The following RFX2 variants were observed in gnomAD, a reference collection of about 807,000 sequenced individuals.
RFX2 encodes DNA-binding protein RFX2.
In RFX2, 20 loss-of-function variants were observed where a neutral mutation model predicts 87.8. The ratio of observed to expected loss-of-function variants is 0.23; its 90% CI spans 0.16 to 0.33. The LOEUF (loss-of-function observed/expected upper bound fraction) is 0.33, where lower values mean the gene tolerates loss of function less well. Ranked by LOEUF, RFX2 falls within the 10% of genes least tolerant of loss-of-function variation. The probability of loss-of-function intolerance (pLI) is 1.00; values close to 1 mark genes in which losing one functional copy is unlikely to be tolerated. For synonymous variants in RFX2, 397 were observed against 431.3 expected, an observed-to-expected ratio of 0.92 and a Z score of 0.98; for missense variants, 767 against 1,012.3, an observed-to-expected ratio of 0.76 and a Z score of 3.29.
chr19:6,103,372 A>G (rs779435579), intron 1 of RFX2, among the ~76,000 whole-genome samples: 14 of 152,220 alleles, frequency 9.2e-5, no homozygotes, highest in South Asian at 2.1e-4. Context: ...AGACCTATGT[A>G]TCATAAAACA....
At chr19:6,077,484 G>C (rs1487277025) in intron 1 of RFX2, among the ~76,000 whole-genome samples, 1 of 152,190 alleles carries the variant, frequency 6.6e-6, no homozygotes, top group African/African-American at 2.4e-5. Flanking sequence ...CAAGACTTAC[G>C]AGATGTTCAA....
rs563745425 is a variant in RFX2, at chr19:6,075,922, A to G, written c.-8-28418T>C. Reference sequence around the variant, plus strand: ...AGGTCCCTTCTCAAGTTCAAAGGTCATGAACAGTTGGAGGATCTGGCATAG... The same window carrying G: ...AGGTCCCTTCTCAAGTTCAAAGGTCGTGAACAGTTGGAGGATCTGGCATAG... On this transcript the variant is annotated intron_variant, in intron 1 of 17. Transcript: ENST00000303657. 2.0e-5 allele frequency among the ~76,000 whole-genome samples: 3 copies of G among 152,372 alleles called. No individual in the cohort carries two copies. In the South Asian group the frequency reaches 6.2e-4, roughly 32 times the overall value.
At chr19:6,082,675 C>T (rs1042494165) in intron 1 of RFX2, among the ~76,000 whole-genome samples, 11 of 152,244 alleles carry the variant, frequency 7.2e-5, no homozygotes, top group African/African-American at 2.2e-4. Context: ...TCATGGGATC[C>T]GCCCACTTTG....
In RFX2 at chr19:6,016,324, A is replaced by T; in HGVS notation, c.598-53T>A. The T allele has an allele frequency of 7.3e-7, 1 of 1,365,678 alleles. No individual in the cohort carries two copies. Among genetic ancestry groups the T allele is most frequent in the Non-Finnish European group, 1.0e-6 (1 of 982,130 alleles). 84.6% of individuals were successfully genotyped at this position (1,365,678 alleles called of 1,614,324 possible). The stretch of plus-strand genomic sequence containing the variant: ...TGTCAGAAGCCTGAGGAACGCTAAC[A>T]TGCCAACGTGGACTCATTAAGAGAA... On this transcript the variant is annotated intron_variant, in intron 6 of 17. Transcript: ENST00000303657. This position sits in a 1 kb window ranked among gnomAD's most constrained non-coding sequence, Gnocchi z 5.4.
chr19:6,086,832 A>G (rs1376032552), intron 1 of RFX2, among the ~76,000 whole-genome samples: 3 of 152,176 alleles, frequency 2.0e-5, no homozygotes, highest in African/African-American at 7.2e-5. Context: ...CAAACATCAC[A>G]TGGGCACCTC....
At chr19:6,031,423 C>CTTTTTTTTTTTTTTTTTTTTTTT (rs58834364) in intron 5 of RFX2, among the ~76,000 whole-genome samples, 1 of 90,186 alleles carries the variant, frequency 1.1e-5, no homozygotes. Flanking sequence ...TTCTCCTTCC[C>CTTTTTTTTTTTTTTTTTTTTTTT]TTTTTTTTTT....
Position 5,994,507 on chromosome 19 carries a change from C to A in RFX2, c.*328G>T. 1 of 313,680 alleles carries A rather than the reference C, an allele frequency of 3.2e-6. No homozygotes were observed. The highest frequency in any genetic ancestry group is 6.4e-5 in the South Asian group (1 of 15,592). The allele number at this position is 313,680 out of a possible 1,614,324, so 19.4% of individuals were successfully genotyped here. A position where few individuals can be genotyped will look rare whatever the true frequency, so the allele number is the denominator to read the frequency against. ...TGCTCTCAGCACAGCCCTTTCAGCT[C>A]TTAAAGGGACTGGGGCCAAAGTCCA... On this transcript the variant is annotated 3_prime_UTR_variant, in exon 18 of 18. Transcript: ENST00000303657.
At chr19:5,995,772 G>A in intron 16 of RFX2, 129 bp from the exon 17 acceptor site, 1 of 821,060 alleles carries the variant, frequency 1.2e-6, no homozygotes, top group Non-Finnish European at 2.0e-6. Context: ...GCTGGGGCCT[G>A]CCCTGAAATG....
rs2086644220 is a variant in RFX2, at chr19:6,010,305, G to A, written c.900-54C>T. 3 of 1,251,294 alleles carry A rather than the reference G, an allele frequency of 2.4e-6. No homozygotes were observed. Among genetic ancestry groups the A allele is most frequent in the African/African-American group, 1.5e-5 (1 of 67,404 alleles). 77.5% of individuals were successfully genotyped at this position (1,251,294 alleles called of 1,614,324 possible). A position where few individuals can be genotyped will look rare whatever the true frequency, so the allele number is the denominator to read the frequency against. On this transcript the variant is annotated intron_variant, in intron 8 of 17. Transcript: ENST00000303657. The surrounding 1 kb of genome is among the most constrained non-coding windows in gnomAD (Gnocchi z 5.0). ...AGGCCCAGCAGCCCTGCTGCGGGTG[G>A]GCCCAAAGACTGGGGGGCTGGGCAG...
At chr19:6,106,634 A>G (rs963534277) in intron 1 of RFX2, among the ~76,000 whole-genome samples, 1 of 152,062 alleles carries the variant, frequency 6.6e-6, no homozygotes, top group Non-Finnish European at 1.5e-5. Context: ...AGGCCCACAG[A>G]CTCGCATTCT....
intron 1 of RFX2, among the ~76,000 whole-genome samples, chr19:6,055,830 A>G (rs1372450391): frequency 6.6e-6 from 1 of 152,250 alleles, no homozygotes; most frequent in Non-Finnish European, 1.5e-5. Flanking sequence ...AAAGAAGAGC[A>G]TAGCTAAAAA....
At chr19:6,055,632 C>A (rs191097424) in intron 1 of RFX2, among the ~76,000 whole-genome samples, 15 of 152,262 alleles carry the variant, frequency 9.9e-5, no homozygotes, top group Non-Finnish European at 1.9e-4. Context: ...CCATGTTGCC[C>A]AGGCTGGTCT....
chr19:6,074,536 C>A lies in RFX2; in HGVS notation c.-8-27032G>T, dbSNP rs771641807. Among the ~76,000 whole-genome samples the A allele has an allele frequency of 6.6e-6, 1 of 152,188 alleles. No individual in the cohort carries two copies. Among genetic ancestry groups the A allele is most frequent in the Admixed American group, 6.5e-5 (1 of 15,286 alleles). On this transcript the variant is annotated intron_variant, in intron 1 of 17. Transcript: ENST00000303657. The surrounding 1 kb of genome is among the most constrained non-coding windows in gnomAD (Gnocchi z 5.2). ...CACAGTCTGAGCATCTGCCATGTGC[C>A]GGCTTCAAGTGCTGAGGACACAGCA...
At position 6,083,030 on chromosome 19, in the gene RFX2, C is replaced by T. The variant is rs530595732; in HGVS notation, c.-9+27363G>A. On this transcript the variant is annotated intron_variant, in intron 1 of 17. Transcript: ENST00000303657. The surrounding 1 kb of genome is among the most constrained non-coding windows in gnomAD (Gnocchi z 4.6). ...CACGGCTCGCTGCAGCCTCAACCTCCCTGGGCTCAGGGAGTACGGGCACGT... is the reference window on the plus strand; with the variant it reads ...CACGGCTCGCTGCAGCCTCAACCTCTCTGGGCTCAGGGAGTACGGGCACGT... Among the ~76,000 whole-genome samples the T allele has an allele frequency of 6.6e-6, 1 of 152,250 alleles. No individual in the cohort carries two copies. Among genetic ancestry groups the T allele is most frequent in the South Asian group, 2.1e-4 (1 of 4,818 alleles).
At chr19:6,042,160 G>C (rs1018173372) in intron 3 of RFX2, 37 bp from the exon 4 acceptor site, 1 of 1,580,542 alleles carries the variant, frequency 6.3e-7, no homozygotes, top group African/African-American at 1.3e-5. Context: ...CGCCAGTCAC[G>C]CCCTCGTGAG....
At position 6,040,188 on chromosome 19, in the gene RFX2, G is replaced by A. The variant is rs763173797; in HGVS notation, c.314C>T (p.Thr105Met). ...GCCTGGGGCCTCGAAGTAAGAAGCC[G>A]TGCTGCTGGGGGCGTACATCTGAGG... is the stretch of plus-strand genomic sequence containing the variant. ...PEPQMYAPSS[T>M]ASYFEAPGGA... Residue 105 changes from threonine (T) to methionine (M), a missense_variant, in exon 5 of 18, where the codon ACG becomes ATG. Physicochemically the swap from Thr to Met is moderately conservative, Grantham distance 81 (BLOSUM62 -1). Coordinates refer to ENST00000303657, the MANE Select transcript of RFX2 (RefSeq NM_000635.4). This position sits in a 1 kb window ranked among gnomAD's most constrained non-coding sequence, Gnocchi z 6.1. The A allele has an allele frequency of 2.2e-5, 35 of 1,595,876 alleles. No individual in the cohort carries two copies. The highest frequency in any genetic ancestry group is 1.7e-4 in the Middle Eastern group (1 of 5,980).
rs767280185 is a variant in RFX2, at chr19:6,002,063, C to T, written c.1651-40G>A. On this transcript the variant is annotated intron_variant, in intron 14 of 17. Coordinates refer to ENST00000303657, the MANE Select transcript of RFX2 (RefSeq NM_000635.4). The surrounding 1 kb of genome is among the most constrained non-coding windows in gnomAD (Gnocchi z 6.7). ...GAGGCCAGTGTCAGCAATGTGGACC[C>T]CCAGCCACGGCAGCCCTCCCTGGAC... 6.5e-7 allele frequency: 1 copy of T among 1,535,406 alleles called. No homozygotes were observed.
rs770962936 is a variant in RFX2 at position 6,007,051 on chromosome 19, C to T, written c.1363G>A (p.Val455Met). 1 of 1,614,168 alleles carries T rather than the reference C, an allele frequency of 6.2e-7. No individual in the cohort carries two copies. The highest frequency in any genetic ancestry group is 8.5e-7 in the Non-Finnish European group (1 of 1,180,032). The change falls in exon 12 of 18, where the codon GTG becomes ATG. Residue 455 changes from valine to methionine, a missense_variant. Around this residue, in one of 2 missense-constraint regions of RFX2, gnomAD observed 621 missense variants for 873.0 expected, o/e 0.71. Transcript: ENST00000303657. The surrounding 1 kb of genome is among the most constrained non-coding windows in gnomAD (Gnocchi z 8.2). ...SCDHILYQALVEILIPDVLRP... is the reference protein window; with the variant it reads ...SCDHILYQALMEILIPDVLRP... ...AGCACGTCGGGGATGAGAATCTCCA[C>T]CAGCGCCTGGTAGAGGATGTGGTCG...
chr19:6,030,198 C>G (rs1489987462), intron 5 of RFX2, among the ~76,000 whole-genome samples: 1 of 152,286 alleles, frequency 6.6e-6, no homozygotes, highest in East Asian at 1.9e-4. Flanking sequence ...ACCAAAGACA[C>G]ATTATAATCA....
Sources: allele counts gnomAD v4.1 joint callset (sites outside exome capture counted in the v4.1 genomes callset), GRCh38; gene constraint gnomAD v4.1.1; regional missense constraint gnomAD v4.1.1; non-coding constraint Gnocchi (gnomAD v3.1); transcripts MANE v1.5; gene names NCBI Gene and HGNC (gene_info 2026-07-23, HGNC 2026-07-21).